The following SLC35F3 variants were observed in gnomAD, a reference collection of about 807,000 sequenced individuals.
SLC35F3 encodes solute carrier family 35 member F3.
A neutral mutation model predicts 49.9 loss-of-function variants in SLC35F3; 25 were observed. That is an observed-to-expected ratio of 0.50 (90% confidence interval 0.37 to 0.70). The LOEUF is 0.70. Among genes scored for constraint, SLC35F3 ranks in the 30% least tolerant of loss-of-function variants. The pLI is 0.00. For synonymous variants in SLC35F3, 275 were observed against 265.4 expected (o/e 1.04, Z -0.35); for missense variants, 525 against 639.8 (o/e 0.82, Z 1.94).
chr1:234,169,718 C>T (rs910728215), intron 2 of SLC35F3, among the ~76,000 whole-genome samples: 1 of 152,182 alleles, frequency 6.6e-6, no homozygotes, highest in Non-Finnish European at 1.5e-5. Context: ...CCCCAGCTGT[C>T]CTGCTAGGAA....
In SLC35F3 at chr1:234,068,823, T is replaced by TTATATATATATATATATA. The variant is rs10645395; in HGVS notation, c.284-162578_284-162561dup. ...GAGTGACAGGATAAGATTTGAGACATTATATATATATATATATATATATAT... is the reference window on the plus strand; with the variant it reads ...GAGTGACAGGATAAGATTTGAGACATTATATATATATATATATATATATATATATATATATATATATAT... On this transcript the variant is annotated intron_variant, in intron 2 of 7. Coordinates refer to ENST00000366618, the MANE Select transcript of SLC35F3 (RefSeq NM_173508.4). Among the ~76,000 whole-genome samples, 64 of 71,154 alleles carry TTATATATATATATATATA rather than the reference T, an allele frequency of 9.0e-4. 8 individuals carry two copies. Among genetic ancestry groups the TTATATATATATATATATA allele is most frequent in the East Asian group, 2.2e-3 (5 of 2,254 alleles). The allele number at this position is 71,154 out of a possible 152,430, so 46.7% of individuals were successfully genotyped here.
intron 4 of SLC35F3, among the ~76,000 whole-genome samples, chr1:234,310,619 T>C (rs1037100246): frequency 6.6e-6 from 1 of 152,186 alleles, no homozygotes. Context: ...AAGATCTGAA[T>C]GTCCTGGGCC....
intron 3 of SLC35F3, among the ~76,000 whole-genome samples, chr1:234,259,211 C>T (rs1190821873): frequency 1.3e-5 from 2 of 152,130 alleles, no homozygotes; most frequent in Non-Finnish European, 2.9e-5. Flanking sequence ...GATTCTTATT[C>T]CTATTGTGTT....
intron 2 of SLC35F3, among the ~76,000 whole-genome samples, chr1:234,223,660 C>G (rs1667242651): frequency 6.6e-6 from 1 of 152,238 alleles, no homozygotes; most frequent in Admixed American, 6.5e-5. Context: ...ACTCTGCCAT[C>G]TGTAGCATGT....
At position 234,152,218 on chromosome 1, in the gene SLC35F3, A is replaced by ATTATTG. The variant is rs1553309901; in HGVS notation, c.284-79194_284-79193insGTTATT. The stretch of plus-strand genomic sequence containing the variant: ...TAAAAGAAAATGGAGTAACATTATT[A>ATTATTG]TTATTATTGTTATTATTATTATTAT... On this transcript the variant is annotated intron_variant, in intron 2 of 7. Coordinates refer to ENST00000366618, the MANE Select transcript of SLC35F3 (RefSeq NM_173508.4). 1.6e-3 allele frequency among the ~76,000 whole-genome samples: 235 copies of ATTATTG among 146,342 alleles called. 2 individuals are homozygous for ATTATTG. Among genetic ancestry groups the ATTATTG allele is most frequent in the South Asian group, 8.7e-3 (41 of 4,722 alleles).
intron 2 of SLC35F3, among the ~76,000 whole-genome samples, chr1:234,137,788 G>A (rs1167385017): frequency 6.6e-6 from 1 of 152,200 alleles, no homozygotes; most frequent in East Asian, 1.9e-4. Context: ...AGGAGAGACA[G>A]GGTCTCCACT....
chr1:234,169,826 A>G (rs562662599), intron 2 of SLC35F3, among the ~76,000 whole-genome samples: 30 of 152,068 alleles, frequency 2.0e-4, no homozygotes, highest in East Asian at 1.2e-3. Context: ...GGAGTGCAGT[A>G]GTGCGATCTC....
intron 3 of SLC35F3, among the ~76,000 whole-genome samples, chr1:234,276,795 C>T (rs1668219123): frequency 6.6e-6 from 1 of 152,168 alleles, no homozygotes; most frequent in Non-Finnish European, 1.5e-5. Context: ...AATAAAATGT[C>T]ATGCAGAAAA....
intron 3 of SLC35F3, among the ~76,000 whole-genome samples, chr1:234,267,292 C>G (rs1229192128): frequency 7.8e-6 from 1 of 127,818 alleles, no homozygotes; most frequent in Admixed American, 7.8e-5. Context: ...CCACACAGAC[C>G]CGGCAACCAT....
chr1:234,081,979 T>A (rs2102873096), intron 2 of SLC35F3, among the ~76,000 whole-genome samples: 1 of 137,968 alleles, frequency 7.2e-6, no homozygotes, highest in South Asian at 2.6e-4. Context: ...ATGGTCTCGA[T>A]CTCCTGAACT....
intron 4 of SLC35F3, among the ~76,000 whole-genome samples, chr1:234,313,310 ACAGGGAG>A (rs1657404949): frequency 6.6e-6 from 1 of 152,152 alleles, no homozygotes. Flanking sequence ...ATTCAGCCCC[ACAGGGAG>A]CAGGGAGCAG....
intron 2 of SLC35F3, among the ~76,000 whole-genome samples, chr1:233,951,964 T>C (rs1662614662): frequency 6.6e-6 from 1 of 152,210 alleles, no homozygotes; most frequent in Non-Finnish European, 1.5e-5. Flanking sequence ...TATATATATG[T>C]TGGTTCTCCT....
intron 3 of SLC35F3, among the ~76,000 whole-genome samples, chr1:234,255,424 C>G (rs1667805457): frequency 2.0e-5 from 3 of 152,174 alleles, no homozygotes; most frequent in Admixed American, 2.0e-4. Flanking sequence ...ATAGCACAGC[C>G]ACTTTAGAAA....
At chr1:234,140,332 TGA>T (rs1665893600) in intron 2 of SLC35F3, among the ~76,000 whole-genome samples, 1 of 152,326 alleles carries the variant, frequency 6.6e-6, no homozygotes, top group African/African-American at 2.4e-5. Context: ...TTAGATATTT[TGA>T]GAGAGAGAAT....
At chr1:234,014,537 G>A (rs1663774181) in intron 2 of SLC35F3, among the ~76,000 whole-genome samples, 1 of 152,074 alleles carries the variant, frequency 6.6e-6, no homozygotes, top group South Asian at 2.1e-4. Flanking sequence ...AAGTTAAATT[G>A]TCCCTGTTTG....
chr1:234,037,191 C>A (rs1563692), intron 2 of SLC35F3, among the ~76,000 whole-genome samples: 78,470 of 151,762 alleles, frequency 0.52, 22,390 homozygotes, highest in Non-Finnish European at 0.65. Context: ...ATGATAAGGG[C>A]CTCAGGAAGC....
intron 3 of SLC35F3, among the ~76,000 whole-genome samples, chr1:234,292,065 G>A (rs1252133263): frequency 6.6e-6 from 1 of 152,224 alleles, no homozygotes. Flanking sequence ...GGTAGCATGT[G>A]CTTCTGCATC....
intron 4 of SLC35F3, among the ~76,000 whole-genome samples, chr1:234,311,640 TATC>T (rs750446919): frequency 2.6e-5 from 4 of 152,242 alleles, no homozygotes; most frequent in Non-Finnish European, 5.9e-5. Context: ...AAACGTGTCT[TATC>T]ATGCTGGGGA....
At chr1:233,979,714 A>C (rs1176756660) in intron 2 of SLC35F3, among the ~76,000 whole-genome samples, 1 of 152,184 alleles carries the variant, frequency 6.6e-6, no homozygotes, top group Non-Finnish European at 1.5e-5. Context: ...CCTGGGGTTA[A>C]TGCACTGGGG....
Sources: gnomAD v4.1 joint callset for allele counts (sites outside exome capture counted in the v4.1 genomes callset) on GRCh38, gnomAD v4.1.1 for gene constraint, MANE v1.5 for transcripts, NCBI Gene and HGNC (gene_info 2026-07-23, HGNC 2026-07-21) for gene names.